Variants in ACYP1 observed in about 807,000 individuals in gnomAD.
ACYP1 encodes acylphosphatase-1.
Under a neutral mutation model 10.4 loss-of-function variants are expected in ACYP1, and 8 were observed. The observed-to-expected ratio is 0.77, with a 90% CI of 0.45 to 1.38. ACYP1 has a LOEUF of 1.38. Ranked by LOEUF, ACYP1 falls within the 40% of genes most tolerant of loss-of-function variation. The pLI is 0.00. For missense variants in ACYP1, 93 were observed against 117.3 expected (o/e 0.79, Z 0.96); for synonymous variants, 38 against 40.8 (o/e 0.93, Z 0.26).
chr14:75,064,343 C>T (rs1200107854), upstream of ACYP1: 4 of 152,256 alleles, frequency 2.6e-5, no homozygotes, highest in African/African-American at 7.2e-5. Flanking sequence ...TACTGACTGA[C>T]AGCTACTGTG....
chr14:75,064,876 G>A (rs745552417), upstream of ACYP1, among the ~76,000 whole-genome samples: 3 of 152,186 alleles, frequency 2.0e-5, no homozygotes, highest in Non-Finnish European at 4.4e-5. Flanking sequence ...GGGCATAAGT[G>A]CACAGGAGGT....
rs1892918448 is a variant in ACYP1, at chr14:75,057,972, A to AAAC, written c.85-4314_85-4313insGTT. Among the ~76,000 whole-genome samples, 9 of 146,450 alleles carry AAAC rather than the reference A, an allele frequency of 6.1e-5. No homozygotes were observed. In the South Asian group the frequency reaches 2.0e-3, roughly 32 times the overall value. ...AGAGCAAGACTCTGTCTCAAAAAAA[A>AAAC]AAAAAAAAAAAAAAAAGAACTACCT... On this transcript the variant is annotated intron_variant, in intron 2 of 2. Coordinates refer to ENST00000238618, the MANE Select transcript of ACYP1 (RefSeq NM_001107.5).
chr14:75,058,267 G>C (rs1278760253), intron 2 of ACYP1, among the ~76,000 whole-genome samples: 1 of 150,872 alleles, frequency 6.6e-6, no homozygotes, highest in East Asian at 1.9e-4. Context: ...TGGCCAACAC[G>C]GTGAAACCCT....
upstream of ACYP1, among the ~76,000 whole-genome samples, chr14:75,065,995 C>T (rs1478537237): frequency 6.6e-6 from 1 of 152,180 alleles, no homozygotes. Flanking sequence ...CAGGGGTTTG[C>T]TACCCTGCTT....
upstream of ACYP1, among the ~76,000 whole-genome samples, chr14:75,066,849 C>T (rs1281381728): frequency 6.6e-6 from 1 of 151,106 alleles, no homozygotes; most frequent in African/African-American, 2.4e-5. Context: ...AAGACTGTCT[C>T]AAAGAAAAAA....
upstream of ACYP1, among the ~76,000 whole-genome samples, chr14:75,068,712 TA>T (rs759409132): frequency 6.6e-3 from 909 of 137,738 alleles, no homozygotes; most frequent in Middle Eastern, 0.011. Context: ...AACGAGGAAT[TA>T]AAAAAAAAAA....
intron 2 of ACYP1, among the ~76,000 whole-genome samples, chr14:75,062,659 C>CAAAAAAAAAAAAAAAAAAA (rs534860020): frequency 1.9e-5 from 2 of 103,418 alleles, no homozygotes; most frequent in Non-Finnish European, 3.9e-5. Context: ...ACTAAAAATA[C>CAAAAAAAAAAAAAAAAAAA]AAAAAAAAAA....
chr14:75,067,892 G>A (rs778223604), upstream of ACYP1, among the ~76,000 whole-genome samples: 1 of 151,864 alleles, frequency 6.6e-6, no homozygotes, highest in African/African-American at 2.4e-5. Context: ...CCAGCTACTC[G>A]GGAGGCTGAG....
At chr14:75,063,864 C>G (rs1040481319) in intron 1 of ACYP1, 90 bp downstream of exon 1, 9 of 934,952 alleles carry the variant, frequency 9.6e-6, no homozygotes, top group Non-Finnish European at 1.2e-5. Context: ...TACCAGAATT[C>G]CCTGCTACTA....
At chr14:75,069,445 C>A in exon 1 of ACYP1, 1 of 613,960 alleles carries the variant, frequency 1.6e-6, no homozygotes. Flanking sequence ...CCCGGCTCCC[C>A]AAGGGCAGGG....
At chr14:75,063,239 G>A in intron 2 of ACYP1, 2 of 518,478 alleles carry the variant, frequency 3.9e-6, no homozygotes, top group South Asian at 4.5e-5. Context: ...ATTAATATGT[G>A]TATCTAGATG....
Position 75,053,624 on chromosome 14 carries a change from G to A in ACYP1, c.120C>T (p.Val40=). 3.7e-6 allele frequency: 6 copies of A among 1,614,128 alleles called. No homozygotes were observed. The highest frequency in any genetic ancestry group is 5.1e-6 in the Non-Finnish European group (6 of 1,180,034). ...GCACTGTGCCCCGGTCAGTGTTCTG[G>A]ACCCAGCCTACCAATCCCAGCTTTT... ...EGKKLGLVGW[V]QNTDRGTVQG... Residue 40 remains valine, a synonymous_variant, in exon 3 of 3, where the codon GTC becomes GTT. Transcript: ENST00000238618.
At chr14:75,060,350 G>A in intron 2 of ACYP1, 2 of 591,844 alleles carry the variant, frequency 3.4e-6, no homozygotes, top group Non-Finnish European at 3.0e-6. Flanking sequence ...TGTTGGCAAG[G>A]ATGTGGACAA....
At chr14:75,066,999 T>C (rs1337441232), upstream of ACYP1, among the ~76,000 whole-genome samples, 1 of 152,192 alleles carries the variant, frequency 6.6e-6, no homozygotes, top group African/African-American at 2.4e-5. Flanking sequence ...AGAGTTTATG[T>C]TGTCTTACAG....
chr14:75,065,309 T>C (rs1893124258), upstream of ACYP1, among the ~76,000 whole-genome samples: 1 of 152,196 alleles, frequency 6.6e-6, no homozygotes, highest in Non-Finnish European at 1.5e-5. Context: ...CAATGAGATA[T>C]GGGTTTGTGA....
chr14:75,053,276 G>A lies in ACYP1; in HGVS notation c.*168C>T. On this transcript the variant is annotated 3_prime_UTR_variant, in exon 3 of 3. Transcript: ENST00000238618. The stretch of plus-strand genomic sequence containing the variant: ...TAACGTTTTTATTGATTAGATTTGT[G>A]TACAGTGGTAATCCTTCCATCATAC... 1 of 643,378 alleles carries A rather than the reference G, an allele frequency of 1.6e-6. No individual in the cohort carries two copies. The highest frequency in any genetic ancestry group is 2.8e-5 in the East Asian group (1 of 36,010). The allele number at this position is 643,378 out of a possible 1,614,324, so 39.9% of individuals were successfully genotyped here. A position where few individuals can be genotyped will look rare whatever the true frequency, so the allele number is the denominator to read the frequency against.
chr14:75,056,662 AC>A (rs1220758099), intron 2 of ACYP1, among the ~76,000 whole-genome samples: 1 of 151,500 alleles, frequency 6.6e-6, no homozygotes, highest in African/African-American at 2.4e-5. Flanking sequence ...ATCAGGCAAC[AC>A]AGAAAAAGAA....
chr14:75,063,542 T>C lies in ACYP1; in HGVS notation c.12A>G (p.Gly4=). 6.2e-7 allele frequency: 1 copy of C among 1,613,604 alleles called. No homozygotes were observed. The highest frequency in any genetic ancestry group is 8.5e-7 in the Non-Finnish European group (1 of 1,179,758). Residue 4 remains glycine, a synonymous_variant, in exon 2 of 3, where the codon GGA becomes GGG. Transcript: ENST00000238618. ...CATAATCCACTGATATCAGGGTGTT[T>C]CCTTCTGCCATGCTCAAACCTGTCA... MAE[G]NTLISVDYEI... is the part of the protein sequence containing the mutation.
At chr14:75,066,057 C>A (rs1391848274), upstream of ACYP1, among the ~76,000 whole-genome samples, 17 of 152,146 alleles carry the variant, frequency 1.1e-4, no homozygotes, top group Non-Finnish European at 1.5e-5. Context: ...TCAGGCCTCA[C>A]CCCTAGATAT....
Sources: gnomAD v4.1 joint callset for allele counts (sites outside exome capture counted in the v4.1 genomes callset) on GRCh38, gnomAD v4.1.1 for gene constraint, MANE v1.5 for transcripts, NCBI Gene and HGNC (gene_info 2026-07-23, HGNC 2026-07-21) for gene names.